Variants in ARHGEF26 observed in about 807,000 individuals in gnomAD.
The protein encoded by ARHGEF26 is Rho guanine nucleotide exchange factor 26.
ARHGEF26 carries 59 observed loss-of-function variants against 89.4 expected under a neutral mutation model. The observed-to-expected ratio is 0.66, with a 90% confidence interval of 0.54 to 0.82. The LOEUF (loss-of-function observed/expected upper bound fraction) is 0.82, where lower values mean the gene tolerates loss of function less well. Among genes scored for constraint, ARHGEF26 ranks in the 40% least tolerant of loss-of-function variants. ARHGEF26 has a pLI of 0.00. For missense variants in ARHGEF26, 1,234 were observed against 1,085.6 expected, an observed-to-expected ratio of 1.14 and a Z score of -1.92; for synonymous variants, 500 against 428.4, an observed-to-expected ratio of 1.17 and a Z score of -2.06.
At chr3:154,173,328 T>G (rs923317166) in intron 6 of ARHGEF26, among the ~76,000 whole-genome samples, 1 of 151,988 alleles carries the variant, frequency 6.6e-6, no homozygotes, top group African/African-American at 2.4e-5. Flanking sequence ...AGATTATGAA[T>G]GTAAGTTGGT....
chr3:154,164,649 T>C (rs1711888582), intron 6 of ARHGEF26, among the ~76,000 whole-genome samples: 1 of 152,174 alleles, frequency 6.6e-6, no homozygotes, highest in Non-Finnish European at 1.5e-5. Context: ...TTGGAATTTC[T>C]TTTCTAGCAG....
chr3:154,229,732 A>G (rs1199125953), intron 11 of ARHGEF26, among the ~76,000 whole-genome samples: 1 of 152,078 alleles, frequency 6.6e-6, no homozygotes, highest in African/African-American at 2.4e-5. Flanking sequence ...GTTTTTGCCT[A>G]ATGTCCCCAT....
At chr3:154,164,596 G>T (rs773749108) in intron 6 of ARHGEF26, among the ~76,000 whole-genome samples, 19 of 152,076 alleles carry the variant, frequency 1.2e-4, no homozygotes, top group Non-Finnish European at 2.5e-4. Context: ...TCAAACAAAG[G>T]TCCCTTTGTA....
chr3:154,206,333 G>A (rs1715017636), intron 9 of ARHGEF26, among the ~76,000 whole-genome samples: 1 of 151,910 alleles, frequency 6.6e-6, no homozygotes, highest in African/African-American at 2.4e-5. Flanking sequence ...TTGTAGAGAT[G>A]GGGTCTCACT....
chr3:154,235,261 G>C (rs752067097), intron 11 of ARHGEF26, among the ~76,000 whole-genome samples: 3 of 151,716 alleles, frequency 2.0e-5, no homozygotes, highest in Non-Finnish European at 4.4e-5. Context: ...CATTAATTTG[G>C]GCCTTCTTCT....
At chr3:154,141,569 T>C (rs562489143) in intron 4 of ARHGEF26, among the ~76,000 whole-genome samples, 1 of 152,234 alleles carries the variant, frequency 6.6e-6, no homozygotes, top group Non-Finnish European at 1.5e-5. Flanking sequence ...ACGACATGAC[T>C]GACTGACTTT....
chr3:154,184,564 A>T (rs977176396), intron 6 of ARHGEF26, among the ~76,000 whole-genome samples: 3 of 152,152 alleles, frequency 2.0e-5, no homozygotes, highest in Non-Finnish European at 4.4e-5. Context: ...GGAAACCTTG[A>T]CCAGAAATCT....
chr3:154,226,696 C>CACACACACACACACACA (rs3223632), intron 11 of ARHGEF26, among the ~76,000 whole-genome samples: 2 of 145,592 alleles, frequency 1.4e-5, no homozygotes, highest in Non-Finnish European at 1.5e-5. Context: ...CACACACACA[C>CACACACACACACACACA]CCCTTCAGCT....
chr3:154,251,511 T>G (rs1188791044), intron 12 of ARHGEF26, among the ~76,000 whole-genome samples: 1 of 152,204 alleles, frequency 6.6e-6, no homozygotes, highest in Non-Finnish European at 1.5e-5. Context: ...GTTGTAGAGA[T>G]AATGCAGTGA....
chr3:154,224,507 A>G (rs999724266), intron 10 of ARHGEF26, among the ~76,000 whole-genome samples: 2 of 152,232 alleles, frequency 1.3e-5, no homozygotes, highest in African/African-American at 4.8e-5. Context: ...TCCTTGGTTC[A>G]TCTTGTAGGG....
intron 6 of ARHGEF26, among the ~76,000 whole-genome samples, chr3:154,178,216 A>G (rs1006110550): frequency 6.6e-6 from 1 of 152,162 alleles, no homozygotes; most frequent in Non-Finnish European, 1.5e-5. Flanking sequence ...AAAACAATAA[A>G]TAAATAAATA....
Position 154,122,317 on chromosome 3 carries a change from C to T in ARHGEF26, c.325C>T (p.Arg109Ter), listed in dbSNP as rs370676439. The T allele has an allele frequency of 1.1e-5, 17 of 1,612,816 alleles. No homozygotes were observed. The highest frequency in any genetic ancestry group is 1.4e-5 in the Non-Finnish European group (16 of 1,179,850). The change falls in exon 2 of 15, where the codon CGA becomes TGA. Residue 109 changes from arginine (R) to a stop codon, truncating the protein, a stop_gained. Transcript: ENST00000465093. LOFTEE classifies it high-confidence loss of function. ...PEYRAASPRL[R>*]RPKSPKLPKA... is the part of the protein sequence containing the mutation. ...GTACAGGGCTGCCTCTCCTCGACTT[C>T]GACGGCCCAAGTCACCCAAGCTCCC...
chr3:154,154,592 GTTGT>G (rs1337756243), intron 6 of ARHGEF26, among the ~76,000 whole-genome samples: 6 of 151,728 alleles, frequency 4.0e-5, no homozygotes, highest in Non-Finnish European at 8.8e-5. Flanking sequence ...TCTTAAATAA[GTTGT>G]TTATCTTTGT....
At chr3:154,126,792 T>A (rs2313175) in intron 3 of ARHGEF26, among the ~76,000 whole-genome samples, 2,075 of 152,326 alleles carry the variant, frequency 0.014, 41 homozygotes, top group African/African-American at 0.048. Flanking sequence ...GATACAGCCA[T>A]GCATCACTTA....
At chr3:154,185,229 G>A (rs1181663371) in intron 6 of ARHGEF26, among the ~76,000 whole-genome samples, 2 of 151,926 alleles carry the variant, frequency 1.3e-5, no homozygotes, top group African/African-American at 4.8e-5. Flanking sequence ...TACAGTTCCG[G>A]TCCTACAATT....
intron 12 of ARHGEF26, among the ~76,000 whole-genome samples, chr3:154,244,467 C>G (rs1404863751): frequency 6.6e-6 from 1 of 152,052 alleles, no homozygotes; most frequent in African/African-American, 2.4e-5. Context: ...ATGGGTGTTT[C>G]TAGAGGAGGA....
chr3:154,189,073 C>T (rs536834092), intron 7 of ARHGEF26, among the ~76,000 whole-genome samples: 6 of 152,200 alleles, frequency 3.9e-5, no homozygotes, highest in South Asian at 2.1e-4. Context: ...CTCCACCACG[C>T]CCTGGTGGGA....
intron 14 of ARHGEF26, among the ~76,000 whole-genome samples, chr3:154,255,117 A>G (rs1424376908): frequency 6.6e-6 from 1 of 151,946 alleles, no homozygotes; most frequent in African/African-American, 2.4e-5. Flanking sequence ...CCCAGGTTCA[A>G]ATACTCTCAG....
At position 154,191,399 on chromosome 3, in the gene ARHGEF26, G is replaced by A. The variant is rs1713950223; in HGVS notation, c.1751G>A (p.Arg584His). ...FLILPMQRVTRLPLLMDTICQ... is the reference protein window; with the variant it reads ...FLILPMQRVTHLPLLMDTICQ... The stretch of plus-strand genomic sequence containing the variant: ...ATTCTCCCCATGCAGAGGGTGACCC[G>A]CCTTCCCCTGCTGATGGATGTAAGA... Residue 584 changes from arginine to histidine, a missense_variant, in exon 8 of 15, where the codon CGC becomes CAC. Arg to His is a conservative substitution (Grantham distance 29). Coordinates refer to ENST00000465093, the MANE Select transcript of ARHGEF26 (RefSeq NM_015595.4). The A allele has an allele frequency of 1.9e-6, 3 of 1,613,586 alleles. No individual in the cohort carries two copies. The highest frequency in any genetic ancestry group is 2.5e-6 in the Non-Finnish European group (3 of 1,179,710).
Sources: gnomAD v4.1 joint callset for allele counts (sites outside exome capture counted in the v4.1 genomes callset) on GRCh38, gnomAD v4.1.1 for gene constraint, MANE v1.5 for transcripts, NCBI Gene and HGNC (gene_info 2026-07-23, HGNC 2026-07-21) for gene names.